CNIH3: variants seen among roughly 807,000 people sequenced by gnomAD.
CNIH3 encodes cornichon family AMPA receptor auxiliary protein 3.
CNIH3 carries 14 observed loss-of-function variants against 24.1 expected under a neutral mutation model. That is an observed-to-expected ratio of 0.58 (90% confidence interval 0.38 to 0.91). The LOEUF (loss-of-function observed/expected upper bound fraction) is 0.91, where lower values mean the gene tolerates loss of function less well. Among genes scored for constraint, CNIH3 ranks in the 40% least tolerant of loss-of-function variants. CNIH3 has a pLI of 0.00. For synonymous variants in CNIH3, 68 were observed against 73.8 expected (o/e 0.92, Z 0.40); for missense variants, 178 against 196.8 (o/e 0.90, Z 0.57).
chr1:224,454,809 T>C (rs978418578), intron 1 of CNIH3, among the ~76,000 whole-genome samples: 3 of 152,088 alleles, frequency 2.0e-5, no homozygotes, highest in Non-Finnish European at 4.4e-5. Context: ...TGGAGTCGCT[T>C]GTGGAAGGAT....
At chr1:224,651,896 A>G (rs924316615) in intron 1 of CNIH3, among the ~76,000 whole-genome samples, 1 of 152,154 alleles carries the variant, frequency 6.6e-6, no homozygotes, top group Non-Finnish European at 1.5e-5. Context: ...ATATTATTAG[A>G]TTGCTTTCCA....
intron 2 of CNIH3, among the ~76,000 whole-genome samples, chr1:224,542,717 T>A (rs61825839): frequency 6.6e-6 from 1 of 152,170 alleles, no homozygotes; most frequent in South Asian, 2.1e-4. Flanking sequence ...ACAGCCAAGG[T>A]GTCTTCCTAG....
chr1:224,534,676 C>T (rs1679212347), intron 2 of CNIH3, among the ~76,000 whole-genome samples: 1 of 152,192 alleles, frequency 6.6e-6, no homozygotes, highest in East Asian at 1.9e-4. Context: ...CTAGCATGAA[C>T]ATGGAGTCCT....
upstream of CNIH3, among the ~76,000 whole-genome samples, chr1:224,515,497 CTT>C (rs1250656864): frequency 1.3e-5 from 2 of 152,146 alleles, no homozygotes; most frequent in Admixed American, 6.6e-5. Flanking sequence ...TTCAAAGACT[CTT>C]TTGGTAATTT....
chr1:224,452,856 C>G (rs920565050), intron 1 of CNIH3, among the ~76,000 whole-genome samples: 6 of 150,044 alleles, frequency 4.0e-5, no homozygotes, highest in African/African-American at 1.2e-4. Flanking sequence ...TGCGGTGGCT[C>G]GTGCCTGTAA....
At chr1:224,643,060 A>G (rs1684435709) in intron 1 of CNIH3, among the ~76,000 whole-genome samples, 1 of 152,166 alleles carries the variant, frequency 6.6e-6, no homozygotes, top group Non-Finnish European at 1.5e-5. Context: ...CAGTGTGGAC[A>G]CATCTGCGGC....
chr1:224,706,192 G>C (rs951227279), intron 3 of CNIH3, among the ~76,000 whole-genome samples: 14 of 152,070 alleles, frequency 9.2e-5, no homozygotes, highest in Admixed American at 5.2e-4. Context: ...CAGTTCTCCA[G>C]GTTACAATAA....
At chr1:224,514,803 G>A (rs1245654969), upstream of CNIH3, among the ~76,000 whole-genome samples, 1 of 152,176 alleles carries the variant, frequency 6.6e-6, no homozygotes, top group Non-Finnish European at 1.5e-5. Context: ...CCGCATTCCA[G>A]CCTTGGCGAG....
intron 3 of CNIH3, among the ~76,000 whole-genome samples, chr1:224,685,386 G>C (rs559381657): frequency 2.0e-5 from 3 of 152,326 alleles, no homozygotes; most frequent in Non-Finnish European, 4.4e-5. Context: ...GTACGTTACA[G>C]CTTCCCCAGA....
At chr1:224,536,284 CTTTTT>C (rs373201561) in intron 2 of CNIH3, among the ~76,000 whole-genome samples, 2 of 86,090 alleles carry the variant, frequency 2.3e-5, no homozygotes, top group Admixed American at 1.4e-4. Flanking sequence ...TAATTGTTGT[CTTTTT>C]TTTTTTTTTT....
intron 3 of CNIH3, among the ~76,000 whole-genome samples, chr1:224,697,662 G>A (rs1160714556): frequency 4.6e-5 from 7 of 152,120 alleles, no homozygotes; most frequent in Admixed American, 6.5e-5. Flanking sequence ...AATGTGATGA[G>A]AAGTAAAGAT....
chr1:224,543,184 G>T (rs1398847294), intron 2 of CNIH3, among the ~76,000 whole-genome samples: 3 of 152,170 alleles, frequency 2.0e-5, no homozygotes, highest in Non-Finnish European at 4.4e-5. Context: ...AATTCTAATA[G>T]AAACTCAACA....
In CNIH3 at chr1:224,616,632, T is replaced by C; in HGVS notation, c.-543T>C. 1.0e-6 allele frequency: 1 copy of C among 987,510 alleles called. No homozygotes were observed. The highest frequency in any genetic ancestry group is 4.7e-5 in the South Asian group (1 of 21,436). 61.2% of individuals were successfully genotyped at this position (987,510 alleles called of 1,614,324 possible). A position where few individuals can be genotyped will look rare whatever the true frequency, so the allele number is the denominator to read the frequency against. On this transcript the variant is annotated 5_prime_UTR_variant, in exon 1 of 6. Coordinates refer to ENST00000272133, the MANE Select transcript of CNIH3 (RefSeq NM_152495.2). The stretch of plus-strand genomic sequence containing the variant: ...GACTCCTTCTCTCGGGAAAGAGCGC[T>C]GCCCGGCTCTGGGATTTGGGAGGAG...
chr1:224,622,327 A>C (rs140989828), intron 1 of CNIH3, among the ~76,000 whole-genome samples: 1 of 152,300 alleles, frequency 6.6e-6, no homozygotes, highest in African/African-American at 2.4e-5. Context: ...CTTCTTGATG[A>C]TAGTGGAGCT....
At chr1:224,672,400 G>A (rs1452270080) in intron 1 of CNIH3, among the ~76,000 whole-genome samples, 2 of 152,144 alleles carry the variant, frequency 1.3e-5, no homozygotes, top group Non-Finnish European at 2.9e-5. Flanking sequence ...TGTTCCTTAG[G>A]GCAGCCTTAA....
intron 1 of CNIH3, among the ~76,000 whole-genome samples, chr1:224,464,214 C>T (rs1430657483): frequency 6.6e-6 from 1 of 151,954 alleles, no homozygotes; most frequent in African/African-American, 2.4e-5. Flanking sequence ...AATCTTTGCC[C>T]CAAGGCCACA....
chr1:224,543,648 A>G (rs1446361633), intron 2 of CNIH3, among the ~76,000 whole-genome samples: 1 of 152,182 alleles, frequency 6.6e-6, no homozygotes. Context: ...TTATTAGACC[A>G]GAATAAAACA....
intron 1 of CNIH3, among the ~76,000 whole-genome samples, chr1:224,452,680 G>C (rs1312194486): frequency 6.6e-6 from 1 of 150,800 alleles, no homozygotes; most frequent in Non-Finnish European, 1.5e-5. Context: ...TACTCGGGAG[G>C]CTGAGGCAGG....
At chr1:224,532,206 G>A (rs950097976) in intron 2 of CNIH3, among the ~76,000 whole-genome samples, 32 of 152,144 alleles carry the variant, frequency 2.1e-4, no homozygotes, top group African/African-American at 7.7e-4. Context: ...AAAGGAGAGA[G>A]CCACAAACGA....
Sources: allele counts gnomAD v4.1 joint callset (sites outside exome capture counted in the v4.1 genomes callset), GRCh38; gene constraint gnomAD v4.1.1; transcripts MANE v1.5; gene names NCBI Gene and HGNC (gene_info 2026-07-23, HGNC 2026-07-21).